The following CAMTA1 variants were observed in gnomAD, a reference collection of about 807,000 sequenced individuals.
CAMTA1 encodes the protein calmodulin-binding transcription activator 1.
A neutral mutation model predicts 170.9 loss-of-function variants in CAMTA1; 27 were observed. That is an observed-to-expected ratio of 0.16 (90% confidence interval 0.12 to 0.22). The LOEUF (loss-of-function observed/expected upper bound fraction) is 0.22. CAMTA1 is among the 10% of genes least tolerant of loss of function. The pLI is 1.00. For missense variants in CAMTA1, 1,619 were observed against 2,217.2 expected, an observed-to-expected ratio of 0.73 and a Z score of 5.42; for synonymous variants, 833 against 891.5, an observed-to-expected ratio of 0.93 and a Z score of 1.17.
At chr1:7,071,036 G>A (rs1489498137) in intron 3 of CAMTA1, among the ~76,000 whole-genome samples, 4 of 152,216 alleles carry the variant, frequency 2.6e-5, no homozygotes, top group Admixed American at 6.5e-5. Context: ...CAGGCTGGCT[G>A]AGCATGAGAG....
At chr1:7,557,812 C>CA (rs1457570026) in intron 6 of CAMTA1, among the ~76,000 whole-genome samples, 2 of 152,086 alleles carry the variant, frequency 1.3e-5, no homozygotes, top group Non-Finnish European at 2.9e-5. Context: ...GAGGGGCTGG[C>CA]AGGAGGCATC....
rs1698929530 is a variant in CAMTA1 at position 7,005,854 on chromosome 1, A to T, written c.235-85450A>T. On this transcript the variant is annotated intron_variant, in intron 3 of 22. Transcript: ENST00000303635. ...TACCAAATGGATGCGGCACTGAAAC[A>T]CATACAGCCATTTGCAGAATCCAAG... Among the ~76,000 whole-genome samples the T allele has an allele frequency of 3.3e-5, 5 of 152,226 alleles. 1 individual carries two copies. In the South Asian group the frequency reaches 1.0e-3, roughly 31 times the overall value.
intron 11 of CAMTA1, among the ~76,000 whole-genome samples, chr1:7,697,808 A>G (rs1487201285): frequency 6.6e-6 from 1 of 152,198 alleles, no homozygotes; most frequent in Admixed American, 6.5e-5. Flanking sequence ...GATGACGCCA[A>G]TCATGGCATA....
chr1:7,606,662 A>AT (rs1362390396), intron 6 of CAMTA1, among the ~76,000 whole-genome samples: 1 of 152,152 alleles, frequency 6.6e-6, no homozygotes, highest in African/African-American at 2.4e-5. Context: ...TGGGAGGAAA[A>AT]TGTTGCATGT....
At chr1:6,959,913 A>G (rs2149515153) in intron 3 of CAMTA1, among the ~76,000 whole-genome samples, 1 of 152,284 alleles carries the variant, frequency 6.6e-6, no homozygotes, top group East Asian at 1.9e-4. Flanking sequence ...GAGGACACAC[A>G]TGAAGGCACT....
At chr1:7,754,640 A>G (rs911890035) in intron 21 of CAMTA1, among the ~76,000 whole-genome samples, 6 of 152,352 alleles carry the variant, frequency 3.9e-5, no homozygotes, top group Middle Eastern at 3.4e-3. Flanking sequence ...TATAAATTTT[A>G]ACTGTTAATA....
chr1:7,460,963 CCCCTACCGGT>C (rs1433818247), intron 5 of CAMTA1, among the ~76,000 whole-genome samples: 1 of 152,132 alleles, frequency 6.6e-6, no homozygotes. Context: ...TGCTCTCTGA[CCCCTACCGGT>C]GGCCTGGCTG....
At chr1:7,483,050 A>G (rs1170642728) in intron 6 of CAMTA1, among the ~76,000 whole-genome samples, 1 of 152,080 alleles carries the variant, frequency 6.6e-6, no homozygotes, top group Admixed American at 6.5e-5. Flanking sequence ...GGCTGAGCCA[A>G]CCCCTCTGCA....
chr1:7,563,151 G>A (rs1023400553), intron 6 of CAMTA1, among the ~76,000 whole-genome samples: 5 of 152,212 alleles, frequency 3.3e-5, no homozygotes, highest in African/African-American at 1.2e-4. Flanking sequence ...TAGCCCCCAG[G>A]CATCGGGGCA....
At chr1:7,551,508 G>T (rs1289608952) in intron 6 of CAMTA1, among the ~76,000 whole-genome samples, 1 of 152,212 alleles carries the variant, frequency 6.6e-6, no homozygotes, top group African/African-American at 2.4e-5. Flanking sequence ...CCAGAGAACC[G>T]TGTGTCTTCC....
rs930950097 is a variant in CAMTA1, at chr1:7,511,311, G to A, written c.510+43410G>A. On this transcript the variant is annotated intron_variant, in intron 6 of 22. Transcript: ENST00000303635. ...CCCTAGTAGCTCCGTGACCTTGAGT[G>A]TCCACTTTCTTTCCTGTAATGTGGG... Among the ~76,000 whole-genome samples, 28 of 145,648 alleles carry A rather than the reference G, an allele frequency of 1.9e-4. 1 individual carries two copies. The highest frequency in any genetic ancestry group is 6.6e-4 in the African/African-American group (27 of 40,772).
In CAMTA1 at chr1:7,431,141, C is replaced by T. The variant is rs74053259; in HGVS notation, c.439-36689C>T. 5.3e-4 allele frequency among the ~76,000 whole-genome samples: 80 copies of T among 152,280 alleles called. 1 individual carries two copies. Among genetic ancestry groups the T allele is most frequent in the African/African-American group, 1.9e-3 (77 of 41,552 alleles). On this transcript the variant is annotated intron_variant, in intron 5 of 22. Coordinates refer to ENST00000303635, the MANE Select transcript of CAMTA1 (RefSeq NM_015215.4). Reference sequence around the variant, plus strand: ...ACACTTTATGAGGACTCAGGGAGAGCGGCTTTCTGCCGACTCAGAGATGCC... The same window carrying T: ...ACACTTTATGAGGACTCAGGGAGAGTGGCTTTCTGCCGACTCAGAGATGCC...
chr1:7,119,974 G>A (rs1644547957), intron 4 of CAMTA1, among the ~76,000 whole-genome samples: 1 of 152,020 alleles, frequency 6.6e-6, no homozygotes, highest in African/African-American at 2.4e-5. Flanking sequence ...AGAACCTTTC[G>A]ACCAACTGTC....
At chr1:7,700,087 GA>G (rs1453615637) in intron 11 of CAMTA1, among the ~76,000 whole-genome samples, 2 of 151,796 alleles carry the variant, frequency 1.3e-5, no homozygotes, top group Non-Finnish European at 2.9e-5. Context: ...ATATATTTAA[GA>G]AACTATCGCC....
chr1:7,429,081 T>C (rs2092021733), intron 5 of CAMTA1, among the ~76,000 whole-genome samples: 1 of 152,188 alleles, frequency 6.6e-6, no homozygotes, highest in Non-Finnish European at 1.5e-5. Flanking sequence ...GAAATGCTCT[T>C]CCATTTGAGA....
chr1:7,441,748 G>A (rs2092544355), intron 5 of CAMTA1, among the ~76,000 whole-genome samples: 1 of 152,132 alleles, frequency 6.6e-6, no homozygotes, highest in Non-Finnish European at 1.5e-5. Flanking sequence ...ACGGCTGGCA[G>A]GAAGCTACTC....
chr1:7,717,987 A>G lies in CAMTA1; in HGVS notation c.2915-14461A>G, dbSNP rs574093792. 1.1e-3 allele frequency among the ~76,000 whole-genome samples: 161 copies of G among 152,342 alleles called. 2 individuals are homozygous for G. Among genetic ancestry groups the G allele is most frequent in the Non-Finnish European group, 2.0e-3 (136 of 68,036 alleles). ...GCACCAGGAATTTCTGCTAGGCCTC[A>G]GGAATGTAGCGGTGACTGGGATGAA... On this transcript the variant is annotated intron_variant, in intron 11 of 22. Transcript: ENST00000303635.
At chr1:7,540,942 C>T (rs2094603226) in intron 6 of CAMTA1, among the ~76,000 whole-genome samples, 1 of 152,228 alleles carries the variant, frequency 6.6e-6, no homozygotes, top group Non-Finnish European at 1.5e-5. Flanking sequence ...TGGTCTTTAG[C>T]TAATGGCACG....
intron 6 of CAMTA1, among the ~76,000 whole-genome samples, chr1:7,539,111 T>C (rs2150093718): frequency 6.6e-6 from 1 of 152,382 alleles, no homozygotes; most frequent in Non-Finnish European, 1.5e-5. Context: ...CAGTGTTTTA[T>C]ACATATTTGA....
Sources: allele counts gnomAD v4.1 joint callset (sites outside exome capture counted in the v4.1 genomes callset), GRCh38; gene constraint gnomAD v4.1.1; transcripts MANE v1.5; gene names NCBI Gene and HGNC (gene_info 2026-07-23, HGNC 2026-07-21).